Variants in FIGNL2 observed in about 807,000 individuals in gnomAD.
The protein encoded by FIGNL2 is fidgetin-like protein 2.
For synonymous variants in FIGNL2, 565 were observed against 484.0 expected, an observed-to-expected ratio of 1.17 and a Z score of -2.20; for missense variants, 1,060 against 950.2, an observed-to-expected ratio of 1.12 and a Z score of -1.52.
chr12:51,831,210 GA>G (rs1034404046), intron 1 of FIGNL2, among the ~76,000 whole-genome samples: 3 of 152,002 alleles, frequency 2.0e-5, no homozygotes, highest in African/African-American at 2.4e-5. Flanking sequence ...AGCTAAAAAA[GA>G]AAAAAAGAGG....
At chr12:51,839,616 C>T (rs1281588778) in intron 1 of FIGNL2, among the ~76,000 whole-genome samples, 1 of 152,232 alleles carries the variant, frequency 6.6e-6, no homozygotes, top group Non-Finnish European at 1.5e-5. Context: ...TCCTTCCTTC[C>T]AGCTTCGGGC....
At chr12:51,833,088 AC>A (rs1445710194) in intron 1 of FIGNL2, among the ~76,000 whole-genome samples, 1 of 151,986 alleles carries the variant, frequency 6.6e-6, no homozygotes, top group Non-Finnish European at 1.5e-5. Flanking sequence ...CACTTTGCTG[AC>A]CAGACTGGAG....
intron 1 of FIGNL2, among the ~76,000 whole-genome samples, chr12:51,823,774 C>T (rs757637319): frequency 5.3e-5 from 8 of 152,204 alleles, no homozygotes; most frequent in Non-Finnish European, 1.0e-4. Flanking sequence ...CTTTCTTCAA[C>T]GGATTTTTAT....
Position 51,834,097 on chromosome 12 carries a change from G to GTGGATGGT in FIGNL2, c.-11-11674_-11-11673insACCATCCA, listed in dbSNP as rs1555234024. ...GATGAATAGACAGACAGACGGATGG[G>GTGGATGGT]TGGATGGATGGTTGGATGGATGGAT... On this transcript the variant is annotated intron_variant, in intron 1 of 1. Coordinates refer to ENST00000618634, the MANE Select transcript of FIGNL2 (RefSeq NM_001384995.1). Among the ~76,000 whole-genome samples the GTGGATGGT allele has an allele frequency of 4.1e-3, 364 of 88,044 alleles. 12 individuals carry two copies. Among genetic ancestry groups the GTGGATGGT allele is most frequent in the East Asian group, 0.04 (101 of 2,546 alleles). The allele number at this position is 88,044 out of a possible 152,430, so 57.8% of individuals were successfully genotyped here. A position where few individuals can be genotyped will look rare whatever the true frequency, so the allele number is the denominator to read the frequency against.
intron 1 of FIGNL2, among the ~76,000 whole-genome samples, chr12:51,837,325 G>A (rs1488454310): frequency 6.6e-6 from 1 of 152,126 alleles, no homozygotes; most frequent in Admixed American, 6.5e-5. Context: ...GGGGAGCTGG[G>A]AACTGGACAT....
intron 1 of FIGNL2, among the ~76,000 whole-genome samples, chr12:51,843,400 T>G (rs1476518873): frequency 6.8e-6 from 1 of 146,378 alleles, no homozygotes; most frequent in East Asian, 2.0e-4. Flanking sequence ...AAAAAAAAAT[T>G]AGCTGGGCGT....
intron 1 of FIGNL2, chr12:51,844,698 A>G: frequency 1.0e-6 from 1 of 985,374 alleles, no homozygotes; most frequent in Non-Finnish European, 1.2e-6. Flanking sequence ...CTCGGAGAAG[A>G]GCAATTGCCA....
At chr12:51,836,858 C>A (rs1939585928) in intron 1 of FIGNL2, among the ~76,000 whole-genome samples, 2 of 152,038 alleles carry the variant, frequency 1.3e-5, no homozygotes, top group African/African-American at 4.8e-5. Context: ...AGGGTGGACA[C>A]CCCCAGCCCC....
At chr12:51,823,678 A>C (rs1431638403) in intron 1 of FIGNL2, 1 of 152,258 alleles carries the variant, frequency 6.6e-6, no homozygotes, top group Non-Finnish European at 1.5e-5. Flanking sequence ...ACACCCAGCA[A>C]CAGTCGATGC....
chr12:51,822,033 C>T lies in FIGNL2; in HGVS notation c.381G>A (p.Gly127=). Residue 127 remains glycine (G), a synonymous_variant, in exon 2 of 2, where the codon GGG becomes GGA. Transcript: ENST00000618634. ...CTAAAACTGGGGAGCCCCCCAGGGC[C>T]CCGGAACCGCCGCCACCGCCCGATT... ...GTKSGGGGGS[G]ALGGSPVLAG... is the part of the protein sequence containing the mutation. The T allele has an allele frequency of 6.2e-7, 1 of 1,605,736 alleles. No homozygotes were observed. Among genetic ancestry groups the T allele is most frequent in the Admixed American group, 1.7e-5 (1 of 59,366 alleles).
At chr12:51,845,751 C>A in intron 1 of FIGNL2, 1 of 808,494 alleles carries the variant, frequency 1.2e-6, no homozygotes, top group Non-Finnish European at 1.5e-6. Flanking sequence ...TCCTAAGGGT[C>A]CAGCAATGGC....
At chr12:51,847,666 T>C (rs1939781061) in intron 1 of FIGNL2, 53 of 985,232 alleles carry the variant, frequency 5.4e-5, no homozygotes, top group Non-Finnish European at 6.4e-5. Flanking sequence ...CCTCCTCCTC[T>C]GGCGGGGGCA....
Position 51,830,491 on chromosome 12 carries a change from TTG to T in FIGNL2, c.-11-8069_-11-8068del, listed in dbSNP as rs200894859. Among the ~76,000 whole-genome samples, 386 of 119,634 alleles carry T rather than the reference TTG, an allele frequency of 3.2e-3. 5 individuals are homozygous for T. Among genetic ancestry groups the T allele is most frequent in the Middle Eastern group, 8.0e-3 (2 of 250 alleles). The allele number at this position is 119,634 out of a possible 152,430, so 78.5% of individuals were successfully genotyped here. On this transcript the variant is annotated intron_variant, in intron 1 of 1. Transcript: ENST00000618634. ...GAAATTTTAAAATCAAAATATTGAGTTGTTTTTTTTTTTTTTTTGAGATGGAG... is the reference window on the plus strand; with the variant it reads ...GAAATTTTAAAATCAAAATATTGAGTTTTTTTTTTTTTTTTTGAGATGGAG...
intron 1 of FIGNL2, among the ~76,000 whole-genome samples, chr12:51,827,274 G>A (rs1939364808): frequency 6.6e-6 from 1 of 152,256 alleles, no homozygotes; most frequent in African/African-American, 2.4e-5. Flanking sequence ...GGACATGGGG[G>A]AAAGTATAGG....
At chr12:51,822,725 G>A (rs1321693365) in intron 1 of FIGNL2, among the ~76,000 whole-genome samples, 1 of 152,194 alleles carries the variant, frequency 6.6e-6, no homozygotes, top group Admixed American at 6.5e-5. Flanking sequence ...GGCCACTCCA[G>A]CCATGTCCTT....
chr12:51,832,520 A>T (rs1481376457), intron 1 of FIGNL2, among the ~76,000 whole-genome samples: 1 of 151,636 alleles, frequency 6.6e-6, no homozygotes, highest in African/African-American at 2.4e-5. Context: ...CTCTTGCAAA[A>T]CCAGGGACCT....
chr12:51,834,859 T>G (rs1231783628), intron 1 of FIGNL2, among the ~76,000 whole-genome samples: 1 of 152,238 alleles, frequency 6.6e-6, no homozygotes, highest in Non-Finnish European at 1.5e-5. Context: ...AACTTCATAG[T>G]TATCCATCGT....
chr12:51,844,569 C>T (rs778749720), intron 1 of FIGNL2: 3 of 470,686 alleles, frequency 6.4e-6, no homozygotes, highest in Non-Finnish European at 8.3e-6. Context: ...TCACAATATC[C>T]TGCTTAGGAG....
In FIGNL2 at chr12:51,820,812, G is replaced by A. The variant is rs1385245608; in HGVS notation, c.1602C>T (p.Thr534=). ...AGADGVLVVG[T]TSRPAALDEA... is the part of the protein sequence containing the mutation. The stretch of plus-strand genomic sequence containing the variant: ...CGTCCAGAGCCGCGGGCCGCGAGGT[G>A]GTGCCCACAACCAGCACGCCGTCAG... Residue 534 remains threonine (T), a synonymous_variant, in exon 2 of 2, where the codon ACC becomes ACT. Coordinates refer to ENST00000618634, the MANE Select transcript of FIGNL2 (RefSeq NM_001384995.1). 2 of 1,473,056 alleles carry A rather than the reference G, an allele frequency of 1.4e-6. No individual in the cohort carries two copies. The highest frequency in any genetic ancestry group is 2.6e-5 in the South Asian group (2 of 77,784). The allele number at this position is 1,473,056 out of a possible 1,614,324, so 91.2% of individuals were successfully genotyped here. A position where few individuals can be genotyped will look rare whatever the true frequency, so the allele number is the denominator to read the frequency against.
Sources: gnomAD v4.1 joint callset for allele counts (sites outside exome capture counted in the v4.1 genomes callset) on GRCh38, gnomAD v4.1.1 for gene constraint, MANE v1.5 for transcripts, NCBI Gene and HGNC (gene_info 2026-07-23, HGNC 2026-07-21) for gene names.